The following P4HA1 variants were observed in gnomAD, a reference collection of about 807,000 sequenced individuals.
The protein encoded by P4HA1 is prolyl 4-hydroxylase subunit alpha-1.
A neutral mutation model predicts 72.8 loss-of-function variants in P4HA1; 24 were observed. The ratio of observed to expected loss-of-function variants is 0.33; its 90% CI spans 0.24 to 0.46. P4HA1 has a LOEUF of 0.46. P4HA1 is among the 20% of genes least tolerant of loss of function. The pLI is 1.00. For missense variants in P4HA1, 446 were observed against 640.6 expected (o/e 0.70, Z 3.28); for synonymous variants, 201 against 218.8 (o/e 0.92, Z 0.72).
chr10:73,052,687 T>G (rs967429097), intron 6 of P4HA1, among the ~76,000 whole-genome samples: 1 of 152,210 alleles, frequency 6.6e-6, no homozygotes, highest in Non-Finnish European at 1.5e-5. Flanking sequence ...CATGCACATA[T>G]TTTCCTATTT....
At chr10:73,044,011 C>CT (rs1321339701) in intron 9 of P4HA1, 1 of 1,410,318 alleles carries the variant, frequency 7.1e-7, no homozygotes. Flanking sequence ...CAATTTTGGG[C>CT]TTTTTGTTTG....
chr10:73,047,397 GA>G (rs932891913), intron 7 of P4HA1, among the ~76,000 whole-genome samples: 47 of 149,758 alleles, frequency 3.1e-4, no homozygotes, highest in East Asian at 5.8e-4. Context: ...GTTTAAATAT[GA>G]AAAAAAAGCC....
Position 73,030,340 on chromosome 10 carries a change from C to A in P4HA1, c.1179G>T (p.Val393=). The change falls in exon 10 of 15, where the codon GTG becomes GTT. Residue 393 remains valine (V), a synonymous_variant. Transcript: ENST00000394890. Reference sequence around the variant, plus strand: ...GTATTCTCATATTAATTCGAGACACCACAGGATTTTCATAGCCAGAGAGCC... The same window carrying A: ...GTATTCTCATATTAATTCGAGACACAACAGGATTTTCATAGCCAGAGAGCC... ...SAWLSGYENP[V]VSRINMRIQD... is the part of the protein sequence containing the mutation. 1 of 1,574,702 alleles carries A rather than the reference C, an allele frequency of 6.4e-7. No individual in the cohort carries two copies. Among genetic ancestry groups the A allele is most frequent in the Non-Finnish European group, 8.7e-7 (1 of 1,153,008 alleles).
chr10:73,082,435 CCAGA>C (rs1841844201), intron 1 of P4HA1: 1 of 152,066 alleles, frequency 6.6e-6, no homozygotes. Context: ...TTTATATCTC[CCAGA>C]CAAATCATTC....
intron 10 of P4HA1, among the ~76,000 whole-genome samples, chr10:73,018,472 C>A (rs1840060230): frequency 6.6e-6 from 1 of 152,150 alleles, no homozygotes; most frequent in South Asian, 2.1e-4. Context: ...GGAGTGAAGT[C>A]ATTGCTGTGC....
intron 14 of P4HA1, 86 bp from the exon 15 acceptor site, chr10:73,008,378 T>C: frequency 1.2e-6 from 1 of 845,276 alleles, no homozygotes; most frequent in Non-Finnish European, 1.9e-6. Flanking sequence ...TATAACAAAG[T>C]TTCATCATGG....
In P4HA1 at chr10:73,068,834, G is replaced by T. The variant is rs369454861; in HGVS notation, c.463+12C>A. 1.2e-6 allele frequency: 2 copies of T among 1,607,244 alleles called. No individual in the cohort carries two copies. The highest frequency in any genetic ancestry group is 4.5e-5 in the East Asian group (2 of 44,794). On this transcript the variant is annotated intron_variant, in intron 5 of 14. Transcript: ENST00000394890. ...GTGATAGGTATTTTATAGAATGGAA[G>T]AATGATCTTACCTGGAAGATTACCC...
rs549871727 is a variant in P4HA1 at position 73,007,227 on chromosome 10, A to G, written c.*995T>C. 1 of 152,672 alleles carries G rather than the reference A, an allele frequency of 6.5e-6. No individual in the cohort carries two copies. The highest frequency in any genetic ancestry group is 2.1e-4 in the South Asian group (1 of 4,832). The allele number at this position is 152,672 out of a possible 1,614,324, so 9.5% of individuals were successfully genotyped here. On this transcript the variant is annotated 3_prime_UTR_variant, in exon 15 of 15. Transcript: ENST00000394890. ...CACAGAAAACAAACATTTTTTTAAA[A>G]AAGATTTAAGATCATAAATAGGTCA...
In P4HA1 at chr10:73,016,884, C is replaced by T. The variant is rs768706270; in HGVS notation, c.1264G>A (p.Val422Ile). The T allele has an allele frequency of 1.2e-5, 20 of 1,611,558 alleles. No homozygotes were observed. In the Admixed American group the frequency reaches 3.3e-4, roughly 27 times the overall value. Reference protein sequence around the residue: ...AEELQVANYGVGGQYEPHFDF... With the variant: ...AEELQVANYGIGGQYEPHFDF... ...AAATGGGGTTCATACTGTCCTCCAA[C>T]TCCATAATTTGCTACCTGAAGGAAA... Residue 422 changes from valine to isoleucine, a missense_variant, in exon 11 of 15, where the codon GTT (valine) becomes ATT (isoleucine). Transcript: ENST00000394890.
intron 10 of P4HA1, among the ~76,000 whole-genome samples, chr10:73,022,707 A>C (rs922435449): frequency 5.3e-5 from 8 of 152,206 alleles, no homozygotes; most frequent in Admixed American, 5.2e-4. Context: ...CAGCTAAAGA[A>C]GCATGTTCTA....
chr10:73,052,791 A>C (rs917419552), intron 6 of P4HA1, among the ~76,000 whole-genome samples: 1 of 152,194 alleles, frequency 6.6e-6, no homozygotes. Flanking sequence ...ATCTCCAGAG[A>C]TTACAATTTA....
At chr10:73,015,375 G>GT (rs1252031819) in intron 11 of P4HA1, among the ~76,000 whole-genome samples, 2 of 152,084 alleles carry the variant, frequency 1.3e-5, no homozygotes, top group Non-Finnish European at 2.9e-5. Context: ...TGGTATATCC[G>GT]TAACATGGAA....
At chr10:73,060,552 C>T (rs1256875647) in intron 5 of P4HA1, among the ~76,000 whole-genome samples, 1 of 152,140 alleles carries the variant, frequency 6.6e-6, no homozygotes, top group African/African-American at 2.4e-5. Context: ...CCACTGCACT[C>T]CAGCCTGAGC....
At chr10:73,090,654 C>G (rs1317729851) in intron 1 of P4HA1, among the ~76,000 whole-genome samples, 1 of 152,120 alleles carries the variant, frequency 6.6e-6, no homozygotes, top group Non-Finnish European at 1.5e-5. Flanking sequence ...ATTACTATCA[C>G]TCTACTTGGT....
Position 73,030,287 on chromosome 10 carries a change from G to A in P4HA1, c.1232C>T (p.Thr411Ile). 6.5e-7 allele frequency: 1 copy of A among 1,543,906 alleles called. No individual in the cohort carries two copies. Among genetic ancestry groups the A allele is most frequent in the Non-Finnish European group, 8.8e-7 (1 of 1,130,662 alleles). Residue 411 changes from threonine (T) to isoleucine (I), a missense_variant, in exon 10 of 15, where the codon ACA becomes ATA. Thr to Ile is a moderately conservative substitution (Grantham distance 89). Coordinates refer to ENST00000394890, the MANE Select transcript of P4HA1 (RefSeq NM_001017962.3). Reference protein sequence around the residue: ...IQDLTGLDVSTAEELQVANYG... With the variant: ...IQDLTGLDVSIAEELQVANYG... The stretch of plus-strand genomic sequence containing the variant: ...ATTACCTACCTGTAATTCCTCTGCT[G>A]TGGAAACATCTAGTCCTGTTAGATC...
At position 73,016,561 on chromosome 10, in the gene P4HA1, G is replaced by C. The variant is rs532985553; in HGVS notation, c.1302+285C>G. 2.6e-5 allele frequency among the ~76,000 whole-genome samples: 4 copies of C among 152,308 alleles called. No individual in the cohort carries two copies. The South Asian group carries it at 8.3e-4, about 32-fold the overall frequency. On this transcript the variant is annotated intron_variant, in intron 11 of 14. Coordinates refer to ENST00000394890, the MANE Select transcript of P4HA1 (RefSeq NM_001017962.3). ...GGAGGCTGAGGTGGGTGGATCACCT[G>C]AGGTCAGAAGTTCAAGACCAGCCTG... is the stretch of plus-strand genomic sequence containing the variant.
At chr10:73,084,066 A>G (rs1841876753) in intron 1 of P4HA1, among the ~76,000 whole-genome samples, 1 of 152,248 alleles carries the variant, frequency 6.6e-6, no homozygotes, top group Non-Finnish European at 1.5e-5. Context: ...TCTAGCTGGC[A>G]TAATACCACC....
intron 9 of P4HA1, among the ~76,000 whole-genome samples, chr10:73,038,408 G>C (rs139622605): frequency 6.6e-5 from 10 of 151,850 alleles, no homozygotes; most frequent in Non-Finnish European, 1.5e-4. Context: ...AATCAAAAAA[G>C]CTTTTCTACC....
In P4HA1 at chr10:73,056,783, C is replaced by T. The variant is rs574297136; in HGVS notation, c.464-3193G>A. On this transcript the variant is annotated intron_variant, in intron 5 of 14. Coordinates refer to ENST00000394890, the MANE Select transcript of P4HA1 (RefSeq NM_001017962.3). ...GGCTGGTTAAAATGTAGATTAAGGC[C>T]GAGTGCGTGGCTCACGCCTGTAATC... Among the ~76,000 whole-genome samples, 351 of 151,062 alleles carry T rather than the reference C, an allele frequency of 2.3e-3. 2 individuals carry two copies. Among genetic ancestry groups the T allele is most frequent in the Non-Finnish European group, 3.8e-3 (254 of 67,702 alleles).
Sources: allele counts gnomAD v4.1 joint callset (sites outside exome capture counted in the v4.1 genomes callset), GRCh38; gene constraint gnomAD v4.1.1; transcripts MANE v1.5; gene names NCBI Gene and HGNC (gene_info 2026-07-23, HGNC 2026-07-21).